The following LEMD1 variants were observed in gnomAD, a reference collection of about 807,000 sequenced individuals.
The protein encoded by LEMD1 is LEM domain-containing protein 1.
A neutral mutation model predicts 17.4 loss-of-function variants in LEMD1; 18 were observed. That is an observed-to-expected ratio of 1.04 (90% CI 0.72 to 1.54). The LOEUF (loss-of-function observed/expected upper bound fraction) is 1.54, where lower values mean the gene tolerates loss of function less well. Among genes scored for constraint, LEMD1 ranks in the 40% most tolerant of loss-of-function variants. The pLI is 0.00. For missense variants in LEMD1, 195 were observed against 210.4 expected, an observed-to-expected ratio of 0.93 and a Z score of 0.45; for synonymous variants, 88 against 77.8, an observed-to-expected ratio of 1.13 and a Z score of -0.69.
chr1:205,396,803 G>T (rs969544334), intron 4 of LEMD1, among the ~76,000 whole-genome samples: 3 of 152,196 alleles, frequency 2.0e-5, no homozygotes, highest in Non-Finnish European at 4.4e-5. Flanking sequence ...CAGGTTAGTG[G>T]TTGCCATGGG....
intron 4 of LEMD1, among the ~76,000 whole-genome samples, chr1:205,404,682 G>C (rs958151219): frequency 6.6e-6 from 1 of 152,010 alleles, no homozygotes; most frequent in African/African-American, 2.4e-5. Flanking sequence ...CTTTTAATTG[G>C]AGCATTTAGT....
At chr1:205,404,271 C>T (rs1391485625) in intron 4 of LEMD1, among the ~76,000 whole-genome samples, 1 of 152,010 alleles carries the variant, frequency 6.6e-6, no homozygotes, top group Non-Finnish European at 1.5e-5. Context: ...AACTTTCTGT[C>T]TCGTTGATCT....
chr1:205,390,355 TAA>T (rs566363489), intron 4 of LEMD1, among the ~76,000 whole-genome samples: 9 of 136,022 alleles, frequency 6.6e-5, no homozygotes, highest in East Asian at 2.1e-4. Flanking sequence ...ACTCTCTCTC[TAA>T]AAAAAAAAAA....
chr1:205,442,039 A>C (rs1328413182), intron 1 of LEMD1, among the ~76,000 whole-genome samples: 2 of 152,168 alleles, frequency 1.3e-5, no homozygotes, highest in African/African-American at 4.8e-5. Flanking sequence ...AGATTTTTCC[A>C]GTTCACCTCT....
intron 4 of LEMD1, among the ~76,000 whole-genome samples, chr1:205,388,404 T>C (rs997084284): frequency 1.3e-5 from 2 of 152,210 alleles, no homozygotes; most frequent in Non-Finnish European, 2.9e-5. Flanking sequence ...TTCACCAGGA[T>C]GGCCTTGATC....
At position 205,419,272 on chromosome 1, in the gene LEMD1, G is replaced by T; in HGVS notation, c.163C>A (p.Pro55Thr). The change falls in exon 3 of 6, where the codon CCC (proline) becomes ACC (threonine). Residue 55 changes from proline to threonine, a missense_variant. Transcript: ENST00000367153. Reference sequence around the variant, plus strand: ...TCCTGCGCTCCATCCAGCTCTCTGGGTCCATTCATCACAGGTGGTGCACAG... The same window carrying T: ...TCCTGCGCTCCATCCAGCTCTCTGGTTCCATTCATCACAGGTGGTGCACAG... ...PPCAPPVMNG[P>T]RELDGAQDSD... 6.2e-7 allele frequency: 1 copy of T among 1,614,210 alleles called. No individual in the cohort carries two copies. The highest frequency in any genetic ancestry group is 8.5e-7 in the Non-Finnish European group (1 of 1,180,028).
At position 205,381,743 on chromosome 1, in the gene LEMD1, A is replaced by C. The variant is rs1160554531; in HGVS notation, c.461T>G (p.Val154Gly). The change falls in exon 6 of 6, where the codon GTG becomes GGG. Residue 154 changes from valine to glycine, a missense_variant. Transcript: ENST00000367153. ...IESWREEGFP[V>G]GLKLAVLGIF... ...ACCAAGCACAGCAAGCTTCAAGCCCACTGGGAAACCTTCTTCTCTCCAGCT... is the reference window on the plus strand; with the variant it reads ...ACCAAGCACAGCAAGCTTCAAGCCCCCTGGGAAACCTTCTTCTCTCCAGCT... The C allele has an allele frequency of 6.2e-7, 1 of 1,614,138 alleles. No individual in the cohort carries two copies. Among genetic ancestry groups the C allele is most frequent in the East Asian group, 2.2e-5 (1 of 44,894 alleles).
intron 4 of LEMD1, among the ~76,000 whole-genome samples, chr1:205,410,994 G>A (rs535846641): frequency 1.7e-4 from 24 of 144,350 alleles, no homozygotes; most frequent in African/African-American, 6.2e-4. Context: ...AGGAAGGAAA[G>A]AAAAGAAAAG....
chr1:205,408,504 T>A (rs1344776483), intron 4 of LEMD1, among the ~76,000 whole-genome samples: 1 of 69,384 alleles, frequency 1.4e-5, no homozygotes, highest in Non-Finnish European at 3.2e-5. Flanking sequence ...CTTTCTTTCT[T>A]TTTTTTTTTT....
intron 1 of LEMD1, among the ~76,000 whole-genome samples, chr1:205,440,056 C>T (rs1367465946): frequency 3.9e-5 from 6 of 152,036 alleles, no homozygotes; most frequent in Non-Finnish European, 8.8e-5. Flanking sequence ...ACGCAGTCCC[C>T]TCTATGGCTT....
chr1:205,447,393 C>G (rs148710547), intron 1 of LEMD1, among the ~76,000 whole-genome samples: 131 of 152,230 alleles, frequency 8.6e-4, no homozygotes, highest in African/African-American at 3.0e-3. Flanking sequence ...TTATAAGAAA[C>G]TTGCCTTCTG....
rs937323843 is a variant in LEMD1, at chr1:205,427,156, A to G, written c.-38-6582T>C. On this transcript the variant is annotated intron_variant, in intron 1 of 3. Transcript: ENST00000367154. ...TGGGCCCTGGCTTTCACATCTGTGAAATGGAAATGTAGTCATAACAGTACA... is the reference window on the plus strand; with the variant it reads ...TGGGCCCTGGCTTTCACATCTGTGAGATGGAAATGTAGTCATAACAGTACA... 2.0e-5 allele frequency among the ~76,000 whole-genome samples: 3 copies of G among 152,222 alleles called. No individual in the cohort carries two copies. The East Asian group carries it at 5.8e-4, about 29-fold the overall frequency.
chr1:205,417,606 C>T (rs539856329), intron 3 of LEMD1, among the ~76,000 whole-genome samples: 2 of 152,166 alleles, frequency 1.3e-5, no homozygotes, highest in African/African-American at 2.4e-5. Context: ...GAGGCACCCC[C>T]GTGCTAACTG....
At chr1:205,427,581 T>C (rs1468802379) in intron 1 of LEMD1, among the ~76,000 whole-genome samples, 4 of 151,976 alleles carry the variant, frequency 2.6e-5, no homozygotes. Flanking sequence ...TAAGGAGCAA[T>C]GTCATGAAAT....
intron 4 of LEMD1, among the ~76,000 whole-genome samples, chr1:205,409,093 C>T (rs1665265636): frequency 6.6e-6 from 1 of 152,168 alleles, no homozygotes; most frequent in African/African-American, 2.4e-5. Flanking sequence ...CCCACCTCAG[C>T]CTCTCAAAGT....
intron 1 of LEMD1, among the ~76,000 whole-genome samples, chr1:205,443,503 A>G (rs1666331825): frequency 6.6e-6 from 1 of 152,054 alleles, no homozygotes; most frequent in African/African-American, 2.4e-5. Flanking sequence ...AGGAAAGGAG[A>G]GCTAATGAAG....
intron 4 of LEMD1, among the ~76,000 whole-genome samples, chr1:205,402,106 C>G (rs1420400955): frequency 6.6e-6 from 1 of 152,076 alleles, no homozygotes; most frequent in Admixed American, 6.6e-5. Flanking sequence ...GTTACTGTAG[C>G]CTTGTAGTAT....
At chr1:205,389,151 C>A (rs1202214308) in intron 4 of LEMD1, among the ~76,000 whole-genome samples, 1 of 141,482 alleles carries the variant, frequency 7.1e-6, no homozygotes, top group African/African-American at 2.6e-5. Flanking sequence ...CGGGTTCAAG[C>A]AATTCTCCTG....
In LEMD1 at chr1:205,438,235, T is replaced by A. The variant is rs144600058; in HGVS notation, c.-39+11633A>T. On this transcript the variant is annotated intron_variant, in intron 1 of 3. Coordinates refer to the LEMD1 transcript ENST00000367154. ...CCCCTCACCCATCTGCAAGGAGGAATCAGTGCCACGCAGCAAGAACAAGAG... is the reference window on the plus strand; with the variant it reads ...CCCCTCACCCATCTGCAAGGAGGAAACAGTGCCACGCAGCAAGAACAAGAG... 3.0e-3 allele frequency among the ~76,000 whole-genome samples: 454 copies of A among 152,262 alleles called. 2 individuals are homozygous for A. The highest frequency in any genetic ancestry group is 0.011 in the African/African-American group (442 of 41,542).
Sources: allele counts gnomAD v4.1 joint callset (sites outside exome capture counted in the v4.1 genomes callset), GRCh38; gene constraint gnomAD v4.1.1; transcripts MANE v1.5; gene names NCBI Gene and HGNC (gene_info 2026-07-23, HGNC 2026-07-21).